Variants in DCT observed in about 807,000 individuals in gnomAD.
DCT encodes dopachrome tautomerase.
In DCT, 47 loss-of-function variants were observed where a neutral mutation model predicts 53.0. The ratio of observed to expected loss-of-function variants is 0.89; its 90% CI spans 0.70 to 1.13. The LOEUF is 1.13. Among genes scored for constraint, DCT ranks in the 50% most tolerant of loss-of-function variants. DCT has a pLI of 0.00. For synonymous variants in DCT, 244 were observed against 237.0 expected, an observed-to-expected ratio of 1.03 and a Z score of -0.27; for missense variants, 669 against 637.4, an observed-to-expected ratio of 1.05 and a Z score of -0.53.
chr13:94,451,685 C>T (rs980265466), intron 6 of DCT, among the ~76,000 whole-genome samples: 2 of 152,258 alleles, frequency 1.3e-5, no homozygotes, highest in South Asian at 4.1e-4. Context: ...ACATTCTCCT[C>T]ACAAAAATGT....
At chr13:94,442,233 G>C (rs1435865073) in intron 7 of DCT, among the ~76,000 whole-genome samples, 1 of 152,116 alleles carries the variant, frequency 6.6e-6, no homozygotes, top group East Asian at 1.9e-4. Flanking sequence ...TGCTTTCTAG[G>C]CTGAGACTTT....
At chr13:94,539,257 A>G in the DCT span, among the ~76,000 whole-genome samples, 1 of 152,354 alleles carries the variant, frequency 6.6e-6, no homozygotes. Context: ...GCAAGCTCTC[A>G]GGATGGTCAG....
At chr13:94,481,022 AG>A (rs1313469137), upstream of DCT, among the ~76,000 whole-genome samples, 3 of 152,336 alleles carry the variant, frequency 2.0e-5, no homozygotes, top group African/African-American at 7.2e-5. Context: ...TGGAGACTCT[AG>A]GCTAGAATCC....
intron 6 of DCT, chr13:94,444,381 T>G (rs1226699864): frequency 1.9e-6 from 1 of 517,404 alleles, no homozygotes; most frequent in African/African-American, 1.9e-5. Context: ...CTCTTCTGTC[T>G]ACTCATTTCA....
At chr13:94,537,238 G>C in the DCT span, among the ~76,000 whole-genome samples, 7 of 152,272 alleles carry the variant, frequency 4.6e-5, no homozygotes, top group South Asian at 2.1e-4. Context: ...AAAATCTTTA[G>C]TTCTCAATCT....
chr13:94,438,679 TC>T lies in DCT; in HGVS notation c.*1218del. 2.2e-6 allele frequency: 1 copy of T among 455,884 alleles called. No individual in the cohort carries two copies. The highest frequency in any genetic ancestry group is 1.6e-5 in the South Asian group (1 of 64,500). 28.2% of individuals were successfully genotyped at this position (455,884 alleles called of 1,614,324 possible). A position where few individuals can be genotyped will look rare whatever the true frequency, so the allele number is the denominator to read the frequency against. On this transcript the variant is annotated 3_prime_UTR_variant, in exon 8 of 8. Transcript: ENST00000377028. ...AGCCATTAACTTCTCTGAAGTGGGG[TC>T]CATCATGATAAGTCTGAACATCGTA...
the DCT span, among the ~76,000 whole-genome samples, chr13:94,509,341 C>T: frequency 6.6e-6 from 1 of 152,120 alleles, no homozygotes; most frequent in Admixed American, 6.6e-5. Context: ...CTGGCTGTGG[C>T]AGTCATTGGT....
At chr13:94,459,221 T>G (rs1345021757) in intron 6 of DCT, among the ~76,000 whole-genome samples, 1 of 152,132 alleles carries the variant, frequency 6.6e-6, no homozygotes, top group Non-Finnish European at 1.5e-5. Context: ...ATCAAACTGA[T>G]ATACCAAAGG....
the DCT span, among the ~76,000 whole-genome samples, chr13:94,487,486 C>A: frequency 6.6e-6 from 1 of 152,194 alleles, no homozygotes; most frequent in Non-Finnish European, 1.5e-5. Flanking sequence ...GCAGGGCAGA[C>A]ATGCATAGCT....
chr13:94,451,637 G>A (rs1382179157), intron 6 of DCT, among the ~76,000 whole-genome samples: 2 of 152,088 alleles, frequency 1.3e-5, no homozygotes, highest in African/African-American at 4.8e-5. Flanking sequence ...AAGACATCTC[G>A]CATAGGGGCC....
chr13:94,456,221 A>G (rs1268318830), intron 6 of DCT, among the ~76,000 whole-genome samples: 4 of 152,194 alleles, frequency 2.6e-5, no homozygotes, highest in Admixed American at 6.5e-5. Context: ...ATGAGGAAAG[A>G]AACATTTTTT....
the DCT span, among the ~76,000 whole-genome samples, chr13:94,506,865 C>T: frequency 0.38 from 57,695 of 151,980 alleles, 11,430 homozygotes; most frequent in East Asian, 0.61. Flanking sequence ...GGCACAGCAT[C>T]ACTTTGGCAG....
chr13:94,462,021 G>A lies in DCT; in HGVS notation c.1032C>T (p.Thr344=). 2 of 1,613,272 alleles carry A rather than the reference G, an allele frequency of 1.2e-6. No individual in the cohort carries two copies. The highest frequency in any genetic ancestry group is 1.7e-6 in the Non-Finnish European group (2 of 1,179,846). The change falls in exon 5 of 8, where the codon ACC becomes ACT. Residue 344 remains threonine, a synonymous_variant. Transcript: ENST00000377028. ...CTCAGAGCACCCACCTGAAACTGAA[G>A]GTAGAGTTCTGGAAGAAGGGAGGAT... is the stretch of plus-strand genomic sequence containing the variant. The part of the protein sequence containing the change: ...FDNPPFFQNS[T]FSFRNALEGF...
chr13:94,476,186 T>TC (rs1238968061), intron 1 of DCT, among the ~76,000 whole-genome samples: 1 of 142,920 alleles, frequency 7.0e-6, no homozygotes, highest in Non-Finnish European at 1.5e-5. Flanking sequence ...GCCTCTTTTT[T>TC]TTTTTTTTTT....
the DCT span, among the ~76,000 whole-genome samples, chr13:94,509,010 C>G: frequency 1.3e-5 from 2 of 152,164 alleles, no homozygotes; most frequent in East Asian, 3.8e-4. Flanking sequence ...GGTCAGTTTC[C>G]AAGCCACTGA....
At chr13:94,545,783 A>AT in the DCT span, among the ~76,000 whole-genome samples, 1 of 151,838 alleles carries the variant, frequency 6.6e-6, no homozygotes, top group East Asian at 1.9e-4. Context: ...CGGTGTGTGT[A>AT]TTTTTTTAAT....
chr13:94,501,797 G>C, the DCT span, among the ~76,000 whole-genome samples: 1 of 152,080 alleles, frequency 6.6e-6, no homozygotes, highest in Admixed American at 6.5e-5. Flanking sequence ...TGGCGCACTA[G>C]GTGCAAGAAG....
chr13:94,442,427 C>T (rs529279181), intron 7 of DCT, among the ~76,000 whole-genome samples: 9 of 152,278 alleles, frequency 5.9e-5, no homozygotes, highest in African/African-American at 2.2e-4. Context: ...CCACCTCAGC[C>T]TCCCGAGTGG....
At chr13:94,538,452 C>T in the DCT span, among the ~76,000 whole-genome samples, 1 of 152,172 alleles carries the variant, frequency 6.6e-6, no homozygotes, top group African/African-American at 2.4e-5. Flanking sequence ...CCCCGCCAAG[C>T]CATATGTATA....
Sources: gnomAD v4.1 joint callset for allele counts (sites outside exome capture counted in the v4.1 genomes callset) on GRCh38, gnomAD v4.1.1 for gene constraint, MANE v1.5 for transcripts, NCBI Gene and HGNC (gene_info 2026-07-23, HGNC 2026-07-21) for gene names.